LRRC7: variants seen among roughly 807,000 people sequenced by gnomAD.
LRRC7 encodes the protein leucine-rich repeat-containing protein 7.
LRRC7 carries 23 observed loss-of-function variants against 175.7 expected under a neutral mutation model. The ratio of observed to expected loss-of-function variants is 0.13; its 90% CI spans 0.09 to 0.19. The LOEUF is 0.19. Among genes scored for constraint, LRRC7 ranks in the 10% least tolerant of loss-of-function variants. LRRC7 has a pLI of 1.00. For synonymous variants in LRRC7, 685 were observed against 680.9 expected (o/e 1.01, Z -0.09); for missense variants, 1,354 against 1,904.7 (o/e 0.71, Z 5.38).
intron 7 of LRRC7, among the ~76,000 whole-genome samples, chr1:69,882,286 CATTACAGAAAACGGTACGAAG>C (rs1257886544): frequency 1.9e-4 from 29 of 152,138 alleles, no homozygotes; most frequent in Admixed American, 3.3e-4. Flanking sequence ...TTGGTACAGC[CATTACAGAAAACGGTACGAAG>C]ATTCCTTAAA....
intron 4 of LRRC7, among the ~76,000 whole-genome samples, chr1:69,819,955 G>T (rs1679079631): frequency 6.6e-6 from 1 of 151,898 alleles, no homozygotes; most frequent in Non-Finnish European, 1.5e-5. Flanking sequence ...AGCACGTGTA[G>T]TTGGGTCATG....
intron 11 of LRRC7, 33 bp downstream of exon 11, chr1:69,994,666 T>A: frequency 6.8e-7 from 1 of 1,465,142 alleles, no homozygotes; most frequent in Non-Finnish European, 9.5e-7. Context: ...AGTCTGCCTC[T>A]CAAAAGCCAG....
chr1:69,664,017 G>A lies in LRRC7; in HGVS notation c.3-14364G>A, dbSNP rs183103443. Among the ~76,000 whole-genome samples, 554 of 152,196 alleles carry A rather than the reference G, an allele frequency of 3.6e-3. 1 individual carries two copies. The highest frequency in any genetic ancestry group is 6.4e-3 in the Non-Finnish European group (433 of 68,004). Reference sequence around the variant, plus strand: ...ATTACAGGCGTGAGCCACCGCGCCCGGCCTCGTTTTAATTTTTATAAGTGT... The same window carrying A: ...ATTACAGGCGTGAGCCACCGCGCCCAGCCTCGTTTTAATTTTTATAAGTGT... On this transcript the variant is annotated intron_variant, in intron 1 of 26. Coordinates refer to ENST00000651989, the MANE Select transcript of LRRC7 (RefSeq NM_001370785.2).
intron 24 of LRRC7, among the ~76,000 whole-genome samples, chr1:70,078,154 C>T (rs1662921566): frequency 6.6e-6 from 1 of 152,168 alleles, no homozygotes; most frequent in Non-Finnish European, 1.5e-5. Flanking sequence ...ATTACACGTT[C>T]TGTGCATGTG....
At chr1:69,779,814 A>G (rs1673276208) in intron 3 of LRRC7, among the ~76,000 whole-genome samples, 1 of 152,220 alleles carries the variant, frequency 6.6e-6, no homozygotes, top group African/African-American at 2.4e-5. Context: ...AATGTACTAG[A>G]AAGGACTATA....
intron 7 of LRRC7, among the ~76,000 whole-genome samples, chr1:69,883,062 C>T (rs1041563044): frequency 6.6e-6 from 1 of 151,896 alleles, no homozygotes; most frequent in Non-Finnish European, 1.5e-5. Flanking sequence ...TGAATAATGC[C>T]ACAATAAACA....
At chr1:69,947,046 C>G (rs1331210596) in intron 8 of LRRC7, among the ~76,000 whole-genome samples, 2 of 151,842 alleles carry the variant, frequency 1.3e-5, no homozygotes, top group Non-Finnish European at 2.9e-5. Context: ...CCACTGCACT[C>G]CAGCTGAGGC....
intron 2 of LRRC7, among the ~76,000 whole-genome samples, chr1:69,751,733 C>T (rs191469583): frequency 2.7e-3 from 406 of 152,152 alleles, no homozygotes; most frequent in Non-Finnish European, 4.8e-3. Context: ...AGTCAGGAGA[C>T]GAAAATTCCT....
chr1:69,639,965 G>A (rs1653960989), intron 1 of LRRC7, among the ~76,000 whole-genome samples: 1 of 151,682 alleles, frequency 6.6e-6, no homozygotes, highest in South Asian at 2.1e-4. Context: ...TGTGACTCTA[G>A]ATATCTGGTT....
chr1:69,600,800 CTTTTTTTTTTTTTTT>C lies in LRRC7; in HGVS notation c.2+32173_2+32187del, dbSNP rs59212223. ...CCATTTCTCCAAGGATCTCTGGTTT[CTTTTTTTTTTTTTTT>C]TTTTTTTTTTTTTGAGACAGAGTTT... On this transcript the variant is annotated intron_variant, in intron 1 of 26. Transcript: ENST00000651989. Among the ~76,000 whole-genome samples the C allele has an allele frequency of 3.1e-5, 2 of 64,896 alleles. 1 individual carries two copies. The highest frequency in any genetic ancestry group is 5.5e-5 in the Non-Finnish European group (2 of 36,262). The allele number at this position is 64,896 out of a possible 152,430, so 42.6% of individuals were successfully genotyped here. A position where few individuals can be genotyped will look rare whatever the true frequency, so the allele number is the denominator to read the frequency against.
At chr1:69,781,839 A>AAGGG (rs1557720528) in intron 3 of LRRC7, among the ~76,000 whole-genome samples, 56 of 85,118 alleles carry the variant, frequency 6.6e-4, no homozygotes, top group African/African-American at 2.6e-3. Flanking sequence ...GGAAGGAAGG[A>AAGGG]AGGAAGGGAG....
intron 7 of LRRC7, among the ~76,000 whole-genome samples, chr1:69,865,291 C>T (rs928248281): frequency 6.6e-6 from 1 of 151,846 alleles, no homozygotes; most frequent in Non-Finnish European, 1.5e-5. Flanking sequence ...TTAAAATGTA[C>T]TCAGTTTCAG....
At chr1:69,667,978 TG>T (rs1366007716) in intron 1 of LRRC7, among the ~76,000 whole-genome samples, 2 of 152,056 alleles carry the variant, frequency 1.3e-5, no homozygotes, top group South Asian at 2.1e-4. Context: ...ACCCATTGTA[TG>T]TTTTTTTTTA....
chr1:70,014,337 C>T (rs1656787875), intron 13 of LRRC7, among the ~76,000 whole-genome samples: 1 of 151,940 alleles, frequency 6.6e-6, no homozygotes, highest in South Asian at 2.1e-4. Context: ...TCTATTAATA[C>T]TTTGAAGATA....
chr1:69,645,593 C>A (rs1454479073), intron 1 of LRRC7, among the ~76,000 whole-genome samples: 1 of 152,014 alleles, frequency 6.6e-6, no homozygotes, highest in Non-Finnish European at 1.5e-5. Flanking sequence ...CTGGGTAATT[C>A]TTCAGGATCA....
chr1:69,798,624 A>G (rs1676085842), intron 4 of LRRC7, among the ~76,000 whole-genome samples: 1 of 152,198 alleles, frequency 6.6e-6, no homozygotes, highest in African/African-American at 2.4e-5. Flanking sequence ...AATGTGTATT[A>G]TAGATTTCAT....
rs1219055124 is a variant in LRRC7 at position 69,844,139 on chromosome 1, A to G, written c.647+5856A>G. On this transcript the variant is annotated intron_variant, in intron 7 of 26. Coordinates refer to ENST00000651989, the MANE Select transcript of LRRC7 (RefSeq NM_001370785.2). ...TTTGTAATTTTATAACTGTTTCAAC[A>G]AAAAAGTCACTTTATTTTTTATTGT... 2.6e-5 allele frequency among the ~76,000 whole-genome samples: 4 copies of G among 152,284 alleles called. No individual in the cohort carries two copies. In the East Asian group the frequency reaches 7.7e-4, roughly 29 times the overall value.
At chr1:69,889,556 C>T (rs577784276) in intron 7 of LRRC7, among the ~76,000 whole-genome samples, 102 of 152,304 alleles carry the variant, frequency 6.7e-4, no homozygotes, top group Non-Finnish European at 1.2e-3. Flanking sequence ...CCTGTAATCC[C>T]AGCACTATGG....
intron 1 of LRRC7, among the ~76,000 whole-genome samples, chr1:69,656,988 A>G (rs1388344804): frequency 1.3e-5 from 2 of 151,936 alleles, no homozygotes; most frequent in Admixed American, 1.3e-4. Flanking sequence ...AAAGGAGAGG[A>G]AAAGGAAAAC....
Sources: gnomAD v4.1 joint callset for allele counts (sites outside exome capture counted in the v4.1 genomes callset) on GRCh38, gnomAD v4.1.1 for gene constraint, MANE v1.5 for transcripts, NCBI Gene and HGNC (gene_info 2026-07-23, HGNC 2026-07-21) for gene names.